Variants in FREM1 observed in about 807,000 individuals in gnomAD.
FREM1 encodes FRAS1 related extracellular matrix 1, also known as FRAS1-related extracellular matrix protein 1.
A neutral mutation model predicts 210.1 loss-of-function variants in FREM1; 220 were observed. The ratio of observed to expected loss-of-function variants is 1.05; its 90% confidence interval spans 0.94 to 1.17. The LOEUF is 1.17. Among genes scored for constraint, FREM1 ranks in the 50% most tolerant of loss-of-function variants. FREM1 has a pLI of 0.00. For synonymous variants in FREM1, 1,189 were observed against 980.2 expected (o/e 1.21, Z -3.98); for missense variants, 3,454 against 2,675.5 (o/e 1.29, Z -6.42).
chr9:14,822,441 A>G (rs1047857042), intron 13 of FREM1, among the ~76,000 whole-genome samples: 1 of 152,144 alleles, frequency 6.6e-6, no homozygotes, highest in African/African-American at 2.4e-5. Context: ...CTTAAGGATG[A>G]GGCATGTGTA....
intron 35 of FREM1, among the ~76,000 whole-genome samples, chr9:14,742,223 T>G (rs1049600201): frequency 1.3e-5 from 2 of 152,186 alleles, no homozygotes; most frequent in East Asian, 3.8e-4. Context: ...CTTTAATTTT[T>G]CTGGCTATAG....
chr9:14,749,773 T>C (rs926545324), intron 30 of FREM1, among the ~76,000 whole-genome samples: 1 of 152,164 alleles, frequency 6.6e-6, no homozygotes, highest in African/African-American at 2.4e-5. Flanking sequence ...ATTTTAGGCA[T>C]TAAGAGTGCT....
At chr9:14,900,591 G>C (rs1838613829) in intron 1 of FREM1, among the ~76,000 whole-genome samples, 1 of 152,080 alleles carries the variant, frequency 6.6e-6, no homozygotes, top group Non-Finnish European at 1.5e-5. Flanking sequence ...GGGAGGGCTG[G>C]GAAGAGGAGA....
intron 1 of FREM1, among the ~76,000 whole-genome samples, chr9:14,892,003 C>A (rs1836903135): frequency 6.6e-6 from 1 of 152,146 alleles, no homozygotes; most frequent in South Asian, 2.1e-4. Context: ...CCTTTACTTT[C>A]TTAATTAACT....
At chr9:14,909,769 G>C (rs576657420) in intron 1 of FREM1, 145 bp downstream of exon 1, 16 of 152,320 alleles carry the variant, frequency 1.1e-4, no homozygotes, top group African/African-American at 3.8e-4. Flanking sequence ...GTTAACAGGA[G>C]AGTTAAACTT....
At chr9:14,844,114 G>C (rs2131256960) in intron 8 of FREM1, among the ~76,000 whole-genome samples, 1 of 152,182 alleles carries the variant, frequency 6.6e-6, no homozygotes, top group East Asian at 1.9e-4. Context: ...ACACTATTTT[G>C]TGTCTCCTCT....
chr9:14,749,418 A>G (rs1009985773), intron 30 of FREM1, among the ~76,000 whole-genome samples: 1 of 152,168 alleles, frequency 6.6e-6, no homozygotes, highest in African/African-American at 2.4e-5. Flanking sequence ...ATTCCAGGCA[A>G]GAAAAAAATA....
chr9:14,843,266 C>T (rs1206685441), intron 8 of FREM1, among the ~76,000 whole-genome samples: 1 of 152,144 alleles, frequency 6.6e-6, no homozygotes, highest in Non-Finnish European at 1.5e-5. Context: ...ATTTGTGCCT[C>T]CACCCTCCAC....
rs1162548279 is a variant in FREM1 at position 14,805,113 on chromosome 9, T to A, written c.3314A>T (p.Asn1105Ile). ...QWKDMNAFHI[N>I]YVQSRHLRIE... ...CCTCAGATGCCTGGACTGCACATAG[T>A]TAATGTGAAAAGCGTTCATGTCTTT... Residue 1105 changes from asparagine (N) to isoleucine (I), a missense_variant, in exon 19 of 37, where the codon AAC becomes ATC. Asn to Ile is a moderately radical substitution (Grantham distance 149). Transcript: ENST00000380880. The A allele has an allele frequency of 6.3e-7, 1 of 1,599,202 alleles. No individual in the cohort carries two copies. Among genetic ancestry groups the A allele is most frequent in the Non-Finnish European group, 8.5e-7 (1 of 1,171,016 alleles).
intron 36 of FREM1, 62 bp from the exon 37 acceptor site, chr9:14,737,657 C>T: frequency 1.5e-6 from 2 of 1,300,498 alleles, no homozygotes; most frequent in Non-Finnish European, 2.0e-6. Context: ...GATATCATAT[C>T]CAGCTGTTGC....
At chr9:14,746,519 G>A in intron 34 of FREM1, 51 bp from the exon 35 acceptor site, 1 of 1,459,594 alleles carries the variant, frequency 6.9e-7, no homozygotes, top group East Asian at 2.3e-5. Flanking sequence ...ACAATCTGGA[G>A]TTGGTTCAGC....
intron 11 of FREM1, 88 bp from the exon 12 acceptor site, chr9:14,824,203 T>C (rs2130819914): frequency 1.3e-6 from 1 of 774,804 alleles, no homozygotes; most frequent in East Asian, 2.7e-5. Context: ...CTGAAAGACT[T>C]CATTGTGAGA....
chr9:14,776,679 G>A (rs1211950174), intron 24 of FREM1, among the ~76,000 whole-genome samples: 1 of 152,170 alleles, frequency 6.6e-6, no homozygotes, highest in Admixed American at 6.5e-5. Flanking sequence ...TAAATGAGTT[G>A]AATTTAGCTA....
At chr9:14,896,586 C>G (rs1837782775) in intron 1 of FREM1, among the ~76,000 whole-genome samples, 1 of 151,054 alleles carries the variant, frequency 6.6e-6, no homozygotes, top group African/African-American at 2.4e-5. Flanking sequence ...TAATCCACCC[C>G]TTGTTTAGCA....
chr9:14,853,734 T>G (rs12343858), intron 5 of FREM1, among the ~76,000 whole-genome samples: 1 of 152,096 alleles, frequency 6.6e-6, no homozygotes, highest in Non-Finnish European at 1.5e-5. Context: ...CACTGCATGG[T>G]TGATGAAGGC....
intron 35 of FREM1, 77 bp downstream of exon 35, chr9:14,746,276 C>T (rs894346516): frequency 1.8e-5 from 19 of 1,054,448 alleles, no homozygotes; most frequent in Non-Finnish European, 2.6e-5. Context: ...ATGAATGAAG[C>T]AGCTCTCCGC....
At chr9:14,807,850 T>A (rs1472524180) in intron 17 of FREM1, 90 bp downstream of exon 17, 2 of 922,114 alleles carry the variant, frequency 2.2e-6, no homozygotes, top group African/African-American at 3.4e-5. Flanking sequence ...GTTTTCTTTT[T>A]AGACTATAAA....
In FREM1 at chr9:14,842,346, T is replaced by G; in HGVS notation, c.1708A>C (p.Ile570Leu). 2 of 1,596,506 alleles carry G rather than the reference T, an allele frequency of 1.3e-6. No homozygotes were observed. The highest frequency in any genetic ancestry group is 1.7e-6 in the Non-Finnish European group (2 of 1,169,918). The change falls in exon 9 of 37, where the codon ATC becomes CTC. Residue 570 changes from isoleucine to leucine, a missense_variant. Ile to Leu is a conservative substitution (Grantham distance 5). Coordinates refer to ENST00000380880, the MANE Select transcript of FREM1 (RefSeq NM_001379081.2). ...AGTCCTGGCCCTGGCTTCTTCATGA[T>G]CTCCCCAGCCTGTGGAGGCTTTGTG... ...NITKPPQAGE[I>L]MKKPGPGLIG...
chr9:14,807,822 G>A, intron 17 of FREM1, 118 bp downstream of exon 17: 1 of 757,260 alleles, frequency 1.3e-6, no homozygotes, highest in Non-Finnish European at 2.1e-6. Flanking sequence ...AATTATTGAA[G>A]GACAATTCCA....
Sources: allele counts gnomAD v4.1 joint callset (sites outside exome capture counted in the v4.1 genomes callset), GRCh38; gene constraint gnomAD v4.1.1; transcripts MANE v1.5; gene names NCBI Gene and HGNC (gene_info 2026-07-23, HGNC 2026-07-21).